EIF2AK4: variants seen among roughly 807,000 people sequenced by gnomAD.
EIF2AK4 encodes the protein eukaryotic translation initiation factor 2 alpha kinase 4.
EIF2AK4 carries 139 observed loss-of-function variants against 211.1 expected under a neutral mutation model. The ratio of observed to expected loss-of-function variants is 0.66; its 90% CI spans 0.57 to 0.76. The LOEUF is 0.76. Ranked by LOEUF, EIF2AK4 falls within the 30% of genes least tolerant of loss-of-function variation. The pLI is 0.00. For missense variants in EIF2AK4, 1,664 were observed against 2,043.8 expected (o/e 0.81, Z 3.58); for synonymous variants, 710 against 751.3 (o/e 0.94, Z 0.90).
intron 32 of EIF2AK4, among the ~76,000 whole-genome samples, chr15:40,024,795 C>G (rs1047456637): frequency 6.7e-6 from 1 of 148,692 alleles, no homozygotes; most frequent in Admixed American, 6.8e-5. Context: ...GTGGCGCGAT[C>G]TCAGCTTACT....
intron 9 of EIF2AK4, among the ~76,000 whole-genome samples, chr15:39,968,158 A>G (rs912381380): frequency 8.5e-5 from 13 of 152,142 alleles, no homozygotes; most frequent in Non-Finnish European, 1.6e-4. Context: ...GTCAATAGAG[A>G]TGGTTATGGT....
At chr15:39,978,800 C>A (rs1324009200) in intron 13 of EIF2AK4, among the ~76,000 whole-genome samples, 2 of 152,098 alleles carry the variant, frequency 1.3e-5, no homozygotes, top group African/African-American at 4.8e-5. Flanking sequence ...AATACATCAT[C>A]TGTTGACAAA....
intron 5 of EIF2AK4, 112 bp downstream of exon 5, chr15:39,954,096 AAAAT>A (rs1218552914): frequency 3.3e-6 from 3 of 921,014 alleles, no homozygotes; most frequent in South Asian, 2.3e-5. Context: ...TAAAGCACTA[AAAAT>A]AAATAAATAT....
chr15:39,947,004 G>A (rs764902698), intron 3 of EIF2AK4: 6 of 194,994 alleles, frequency 3.1e-5, no homozygotes, highest in South Asian at 1.2e-4. Flanking sequence ...TGTGTGACTC[G>A]CTTTATTGTG....
rs780072652 is a variant in EIF2AK4, at chr15:39,955,731, A to G, written c.706A>G (p.Asn236Asp). 6.2e-7 allele frequency: 1 copy of G among 1,612,302 alleles called. No homozygotes were observed. The highest frequency in any genetic ancestry group is 8.5e-7 in the Non-Finnish European group (1 of 1,179,462). ...TGGAGGCTCTCCTGACTTTGTAGGA[A>G]ATGGTAAACATCGGGCAAACTCCTC... is the stretch of plus-strand genomic sequence containing the variant. ...LHGGSPDFVG[N>D]GKHRANSSGR... The change falls in exon 6 of 39, where the codon AAT (asparagine) becomes GAT (aspartate). Residue 236 changes from asparagine (N) to aspartate (D), a missense_variant. By Grantham distance (23) the Asn-to-Asp change is conservative. This residue lies in a region of EIF2AK4 where 641 missense variants were observed against 729.6 expected (regional missense o/e 0.88). Coordinates refer to ENST00000263791, the MANE Select transcript of EIF2AK4 (RefSeq NM_001013703.4).
At chr15:39,937,637 TAA>T (rs1373610833) in intron 1 of EIF2AK4, among the ~76,000 whole-genome samples, 1 of 152,178 alleles carries the variant, frequency 6.6e-6, no homozygotes, top group Non-Finnish European at 1.5e-5. Context: ...CCAATGTTAC[TAA>T]AAACCAAATT....
At chr15:39,988,173 C>G in intron 15 of EIF2AK4, 68 bp downstream of exon 15, 1 of 1,560,312 alleles carries the variant, frequency 6.4e-7, no homozygotes, top group Non-Finnish European at 8.8e-7. Flanking sequence ...ATAAAAATAT[C>G]AAATGTAAGA....
At position 39,998,749 on chromosome 15, in the gene EIF2AK4, C is replaced by T; in HGVS notation, c.2887C>T (p.Pro963Ser). ...QLRDPTSPKFPEDFDDGEHAK... is the reference protein window; with the variant it reads ...QLRDPTSPKFSEDFDDGEHAK... ...TTTTTAGCCCACTTCGCCTAAGTTT[C>T]CAGAAGACTTTGACGATGGAGAGCA... is the stretch of plus-strand genomic sequence containing the variant. Residue 963 changes from proline to serine, a missense_variant, in exon 20 of 39, where the codon CCA becomes TCA. By Grantham distance (74) the Pro-to-Ser change is moderately conservative. This residue lies in a region of EIF2AK4 where 622 missense variants were observed against 796.8 expected (regional missense o/e 0.78). Transcript: ENST00000263791. 1 of 1,612,940 alleles carries T rather than the reference C, an allele frequency of 6.2e-7. No homozygotes were observed. The highest frequency in any genetic ancestry group is 8.5e-7 in the Non-Finnish European group (1 of 1,179,424).
intron 13 of EIF2AK4, among the ~76,000 whole-genome samples, chr15:39,980,395 T>A (rs752079663): frequency 6.6e-6 from 1 of 152,274 alleles, no homozygotes; most frequent in African/African-American, 2.4e-5. Flanking sequence ...ATAATTCTTA[T>A]GCCAGTTTGT....
chr15:40,010,775 T>C (rs894293985), intron 26 of EIF2AK4, among the ~76,000 whole-genome samples: 1 of 152,220 alleles, frequency 6.6e-6, no homozygotes, highest in East Asian at 1.9e-4. Context: ...AGTGGTTCTT[T>C]ACTCCCCCTA....
rs139622998 is a variant in EIF2AK4, at chr15:39,998,460, CA to C, written c.2869-269del. 2.7e-3 allele frequency among the ~76,000 whole-genome samples: 405 copies of C among 151,756 alleles called. 13 individuals carry two copies. In the East Asian group the frequency reaches 0.064, roughly 24 times the overall value. The stretch of plus-strand genomic sequence containing the variant: ...TGTTACTGCCTGAGCTAAAAGGGAC[CA>C]ATGTTATAGTATGTGAGGTCAAAGG... On this transcript the variant is annotated intron_variant, in intron 19 of 38. Transcript: ENST00000263791.
chr15:39,993,103 T>TCCAC (rs1407679082), intron 18 of EIF2AK4, among the ~76,000 whole-genome samples: 11 of 139,624 alleles, frequency 7.9e-5, no homozygotes, highest in South Asian at 7.0e-4. Context: ...CATCCATCCA[T>TCCAC]CCACCCACCC....
At chr15:39,941,363 C>T (rs2065918203) in intron 2 of EIF2AK4, among the ~76,000 whole-genome samples, 2 of 152,106 alleles carry the variant, frequency 1.3e-5, no homozygotes, top group Admixed American at 1.3e-4. Flanking sequence ...TGAGTACTAA[C>T]TCCGGTATGG....
intron 9 of EIF2AK4, among the ~76,000 whole-genome samples, chr15:39,971,022 A>C (rs1010918278): frequency 6.6e-6 from 1 of 152,194 alleles, no homozygotes; most frequent in Non-Finnish European, 1.5e-5. Flanking sequence ...TCACAACGAC[A>C]GTTGATTCTT....
intron 6 of EIF2AK4, 142 bp downstream of exon 6, chr15:39,955,910 G>A: frequency 1.4e-6 from 1 of 735,282 alleles, no homozygotes; most frequent in Non-Finnish European, 2.0e-6. Flanking sequence ...TAATATATTA[G>A]CAATATATTA....
Position 39,976,682 on chromosome 15 carries a change from T to C in EIF2AK4, c.2087T>C (p.Val696Ala). ...AGCGACACAGACGGCCTGGACAGCG[T>C]AGAGGCCGCCGCGCCGCCACCCATC... is the stretch of plus-strand genomic sequence containing the variant. Reference protein sequence around the residue: ...PASDTDGLDSVEAAAPPPILS... With the variant: ...PASDTDGLDSAEAAAPPPILS... Residue 696 changes from valine (V) to alanine (A), a missense_variant, in exon 12 of 39, where the codon GTA (valine) becomes GCA (alanine). By Grantham distance (64) the Val-to-Ala change is moderately conservative. This residue lies in a region of EIF2AK4 where 206 missense variants were observed against 201.9 expected (regional missense o/e 1.02). Transcript: ENST00000263791. 1 of 1,602,168 alleles carries C rather than the reference T, an allele frequency of 6.2e-7. No homozygotes were observed. Among genetic ancestry groups the C allele is most frequent in the South Asian group, 1.1e-5 (1 of 90,036 alleles).
chr15:40,008,196 GT>G lies in EIF2AK4; in HGVS notation c.3576+3del. The G allele has an allele frequency of 1.3e-6, 2 of 1,585,184 alleles. No homozygotes were observed. Among genetic ancestry groups the G allele is most frequent in the East Asian group, 2.3e-5 (1 of 43,662 alleles). On this transcript the variant is annotated splice_donor_variant, in intron 25 of 38. Coordinates refer to ENST00000263791, the MANE Select transcript of EIF2AK4 (RefSeq NM_001013703.4). LOFTEE classifies it high-confidence loss of function. The stretch of plus-strand genomic sequence containing the variant: ...CATCCAAGAGTTTCCAGCACTTCAG[GT>G]TCCTTTCCATATTTTAACATTCCAA...
intron 29 of EIF2AK4, 21 bp from the exon 30 acceptor site, chr15:40,019,072 A>G: frequency 6.4e-7 from 1 of 1,559,408 alleles, no homozygotes; most frequent in Non-Finnish European, 8.8e-7. Flanking sequence ...CATAACCATA[A>G]CTGTTTGTGT....
chr15:40,010,888 A>G (rs1184600874), intron 26 of EIF2AK4, among the ~76,000 whole-genome samples: 1 of 152,158 alleles, frequency 6.6e-6, no homozygotes, highest in Non-Finnish European at 1.5e-5. Flanking sequence ...TTACTGATTC[A>G]TGTCCTGCGG....
Sources: gnomAD v4.1 joint callset for allele counts (sites outside exome capture counted in the v4.1 genomes callset) on GRCh38, gnomAD v4.1.1 for gene constraint, gnomAD v4.1.1 regional missense constraint, MANE v1.5 for transcripts, NCBI Gene and HGNC (gene_info 2026-07-23, HGNC 2026-07-21) for gene names.